CDH18: variants seen among roughly 807,000 people sequenced by gnomAD.
The protein encoded by CDH18 is cadherin 18.
In CDH18, 31 loss-of-function variants were observed where a neutral mutation model predicts 67.9. The observed-to-expected ratio is 0.46, with a 90% confidence interval of 0.34 to 0.62. The LOEUF (loss-of-function observed/expected upper bound fraction) is 0.62, where lower values mean the gene tolerates loss of function less well. Among genes scored for constraint, CDH18 ranks in the 20% least tolerant of loss-of-function variants. The pLI is 0.01. For synonymous variants in CDH18, 362 were observed against 347.2 expected (o/e 1.04, Z -0.48); for missense variants, 890 against 975.5 (o/e 0.91, Z 1.17).
intron 1 of CDH18, among the ~76,000 whole-genome samples, chr5:20,323,318 A>C (rs1472993232): frequency 6.6e-6 from 1 of 152,120 alleles, no homozygotes; most frequent in Non-Finnish European, 1.5e-5. Context: ...CTTTGTGATG[A>C]CTGTATCAAG....
At chr5:19,681,683 G>A (rs1760347089) in intron 5 of CDH18, among the ~76,000 whole-genome samples, 1 of 151,744 alleles carries the variant, frequency 6.6e-6, no homozygotes, top group African/African-American at 2.4e-5. Flanking sequence ...AGTCTAGCTG[G>A]GCTGTTACCT....
At chr5:19,788,217 T>C (rs1776016226) in intron 3 of CDH18, among the ~76,000 whole-genome samples, 1 of 152,168 alleles carries the variant, frequency 6.6e-6, no homozygotes, top group African/African-American at 2.4e-5. Flanking sequence ...GCAATTACAG[T>C]AAATGTTGGA....
chr5:19,707,054 A>C (rs1023186792), intron 5 of CDH18, among the ~76,000 whole-genome samples: 2 of 152,190 alleles, frequency 1.3e-5, no homozygotes, highest in Admixed American at 1.3e-4. Context: ...CTTGGGGTAG[A>C]GACTATGCTT....
intron 2 of CDH18, among the ~76,000 whole-genome samples, chr5:20,241,888 A>ATATATATG (rs1554106512): frequency 5.6e-4 from 44 of 78,322 alleles, no homozygotes; most frequent in African/African-American, 2.0e-3. Context: ...AAATATATAT[A>ATATATATG]TATGTATATA....
intron 2 of CDH18, among the ~76,000 whole-genome samples, chr5:19,968,225 A>T (rs1160137630): frequency 6.6e-6 from 1 of 152,122 alleles, no homozygotes; most frequent in African/African-American, 2.4e-5. Context: ...TTCCATGCTC[A>T]TGGGTGGGAA....
Position 19,486,718 on chromosome 5 carries a change from G to A in CDH18, c.1631-3166C>T, listed in dbSNP as rs529422278. On this transcript the variant is annotated intron_variant, in intron 11 of 12. Transcript: ENST00000382275. ...TGAGGCAGGAGAATTGCTGGAACTC[G>A]GGAGGCAGAGGTTGCAGAGAGCCGA... Among the ~76,000 whole-genome samples the A allele has an allele frequency of 5.3e-5, 8 of 152,198 alleles. No homozygotes were observed. In the East Asian group the frequency reaches 5.8e-4, roughly 11 times the overall value.
chr5:19,933,519 A>G (rs1018319816), intron 2 of CDH18, among the ~76,000 whole-genome samples: 12 of 151,524 alleles, frequency 7.9e-5, no homozygotes, highest in Admixed American at 1.3e-4. Flanking sequence ...CCTTGAAAGC[A>G]AAACTTTTGG....
chr5:20,557,241 GAA>G (rs1317726596), intron 1 of CDH18, among the ~76,000 whole-genome samples: 1 of 152,026 alleles, frequency 6.6e-6, no homozygotes, highest in Non-Finnish European at 1.5e-5. Flanking sequence ...GTTCAGGAGT[GAA>G]GACATACGAA....
At chr5:20,172,225 T>TAC (rs1736857816) in intron 2 of CDH18, among the ~76,000 whole-genome samples, 1 of 27,842 alleles carries the variant, frequency 3.6e-5, no homozygotes, top group Non-Finnish European at 7.7e-5. Context: ...TATATATATG[T>TAC]ATATATATAT....
intron 5 of CDH18, among the ~76,000 whole-genome samples, chr5:19,655,432 A>AAT (rs983691808): frequency 3.3e-5 from 5 of 151,498 alleles, no homozygotes; most frequent in East Asian, 1.9e-4. Flanking sequence ...ATGTATCAGT[A>AAT]ATATATATAT....
chr5:20,117,482 GTATT>G (rs1748019778), intron 2 of CDH18, among the ~76,000 whole-genome samples: 1 of 152,092 alleles, frequency 6.6e-6, no homozygotes, highest in Admixed American at 6.5e-5. Flanking sequence ...TTACAATACA[GTATT>G]TGTTTAGAGC....
rs1796641107 is a variant in CDH18, at chr5:19,960,084, C to A, written c.-257+20976G>T. 2.0e-5 allele frequency among the ~76,000 whole-genome samples: 3 copies of A among 152,036 alleles called. 1 individual carries two copies. Among genetic ancestry groups the A allele is most frequent in the South Asian group, 2.1e-4 (1 of 4,824 alleles). On this transcript the variant is annotated intron_variant, in intron 2 of 12. Coordinates refer to ENST00000382275, the MANE Select transcript of CDH18 (RefSeq NM_004934.5). The stretch of plus-strand genomic sequence containing the variant: ...TGAAGACCTATGACATTACTCTACA[C>A]TACTGTAGTCTTTATAAACACTGTA...
intron 2 of CDH18, among the ~76,000 whole-genome samples, chr5:19,870,016 C>A (rs1225289865): frequency 6.6e-6 from 1 of 152,080 alleles, no homozygotes; most frequent in African/African-American, 2.4e-5. Flanking sequence ...TACCATTAAG[C>A]TCCAGTATTT....
chr5:19,987,661 A>C (rs547370172), intron 1 of CDH18, among the ~76,000 whole-genome samples: 2 of 152,296 alleles, frequency 1.3e-5, no homozygotes, highest in African/African-American at 2.4e-5. Context: ...TCGAAAATTC[A>C]ATTTCAGTGC....
chr5:19,911,802 T>C (rs1456212865), intron 2 of CDH18, among the ~76,000 whole-genome samples: 1 of 152,184 alleles, frequency 6.6e-6, no homozygotes, highest in Admixed American at 6.6e-5. Flanking sequence ...TTAGACAATA[T>C]CCATAAAAGA....
chr5:20,285,863 T>C (rs905571003), intron 1 of CDH18, among the ~76,000 whole-genome samples: 20 of 151,712 alleles, frequency 1.3e-4, no homozygotes, highest in African/African-American at 3.4e-4. Flanking sequence ...GTGCCCTAAG[T>C]AAAAGTGGGA....
chr5:19,693,863 T>G (rs967741246), intron 5 of CDH18, among the ~76,000 whole-genome samples: 1 of 149,850 alleles, frequency 6.7e-6, no homozygotes, highest in Non-Finnish European at 1.5e-5. Context: ...GCCACTGCAT[T>G]CCAGCCTGGG....
intron 3 of CDH18, among the ~76,000 whole-genome samples, chr5:19,811,823 C>T (rs1778774028): frequency 6.6e-6 from 1 of 151,956 alleles, no homozygotes; most frequent in African/African-American, 2.4e-5. Context: ...GAATCCTTCA[C>T]ACACACAGAA....
At chr5:19,864,286 C>G (rs1785222343) in intron 2 of CDH18, among the ~76,000 whole-genome samples, 2 of 149,600 alleles carry the variant, frequency 1.3e-5, no homozygotes, top group African/African-American at 5.0e-5. Flanking sequence ...GGACAAAAAA[C>G]CAAACGCCAC....
Sources: gnomAD v4.1 joint callset for allele counts (sites outside exome capture counted in the v4.1 genomes callset) on GRCh38, gnomAD v4.1.1 for gene constraint, MANE v1.5 for transcripts, NCBI Gene and HGNC (gene_info 2026-07-23, HGNC 2026-07-21) for gene names.